The following TSNARE1 variants were observed in gnomAD, a reference collection of about 807,000 sequenced individuals.
The protein encoded by TSNARE1 is t-SNARE domain containing 1.
Under a neutral mutation model 62.0 loss-of-function variants are expected in TSNARE1, and 49 were observed. The observed-to-expected ratio is 0.79, with a 90% CI of 0.63 to 1.00. The LOEUF (loss-of-function observed/expected upper bound fraction) is 1.00, where lower values mean the gene tolerates loss of function less well. TSNARE1 is among the 50% of genes least tolerant of loss of function. The pLI, the probability that TSNARE1 is intolerant of heterozygous loss-of-function variation, is 0.00. For synonymous variants in TSNARE1, 328 were observed against 294.4 expected, an observed-to-expected ratio of 1.11 and a Z score of -1.17; for missense variants, 755 against 700.1, an observed-to-expected ratio of 1.08 and a Z score of -0.88.
At chr8:142,223,030 AC>A (rs1328369743) in intron 13 of TSNARE1, among the ~76,000 whole-genome samples, 45 of 67,560 alleles carry the variant, frequency 6.7e-4, no homozygotes, top group African/African-American at 1.7e-3. Context: ...TCAGCCACTC[AC>A]TCATTCACTC....
chr8:142,214,860 C>T (rs1291652180), intron 13 of TSNARE1, among the ~76,000 whole-genome samples: 1 of 152,218 alleles, frequency 6.6e-6, no homozygotes, highest in East Asian at 1.9e-4. Context: ...GCCCTGGCGG[C>T]ACCCTGATCT....
intron 10 of TSNARE1, among the ~76,000 whole-genome samples, chr8:142,287,644 C>T: frequency 7.7e-6 from 1 of 130,448 alleles, no homozygotes; most frequent in Non-Finnish European, 1.6e-5. Flanking sequence ...ATCTCAGGGA[C>T]AGTGGGCTGC....
intron 12 of TSNARE1, chr8:142,274,029 G>A: frequency 1.0e-6 from 1 of 985,304 alleles, no homozygotes; most frequent in Non-Finnish European, 1.2e-6. Flanking sequence ...GCCCCAGCTG[G>A]CCCAGGGGCT....
chr8:142,228,038 C>T (rs191159324), intron 13 of TSNARE1, among the ~76,000 whole-genome samples: 1 of 152,184 alleles, frequency 6.6e-6, no homozygotes, highest in Non-Finnish European at 1.5e-5. Flanking sequence ...GGCACTGAGC[C>T]TCCATTCCAC....
chr8:142,386,323 T>C (rs1465549248), intron 1 of TSNARE1, among the ~76,000 whole-genome samples: 11 of 152,182 alleles, frequency 7.2e-5, no homozygotes, highest in African/African-American at 2.2e-4. Flanking sequence ...ACATGAAGTA[T>C]TAGAGGCATT....
chr8:142,382,872 G>A (rs533257980), intron 1 of TSNARE1, among the ~76,000 whole-genome samples: 2 of 152,332 alleles, frequency 1.3e-5, no homozygotes, highest in East Asian at 1.9e-4. Context: ...CACGGAGTGG[G>A]CCCGGCCCTC....
intron 12 of TSNARE1, among the ~76,000 whole-genome samples, chr8:142,249,256 G>A (rs967362224): frequency 6.6e-6 from 1 of 152,222 alleles, no homozygotes; most frequent in Admixed American, 6.5e-5. Context: ...GAGGGCGGTG[G>A]ACCCAGGCCT....
chr8:142,323,511 G>A (rs1177742213), intron 6 of TSNARE1, among the ~76,000 whole-genome samples: 2 of 152,230 alleles, frequency 1.3e-5, no homozygotes, highest in African/African-American at 4.8e-5. Context: ...GCTGGCAAGG[G>A]GAGGCCTCGT....
rs957902323 is a variant in TSNARE1 at position 142,319,003 on chromosome 8, G to A, written c.894-369C>T. 6.6e-6 allele frequency among the ~76,000 whole-genome samples: 1 copy of A among 151,718 alleles called. No individual in the cohort carries two copies. Among genetic ancestry groups the A allele is most frequent in the East Asian group, 1.9e-4 (1 of 5,162 alleles). ...ACGGGCAGACACCCAGCAAGAGACG[G>A]GGGAGACGGGCAGACACACAGCAAG... On this transcript the variant is annotated intron_variant, in intron 6 of 13. Transcript: ENST00000524325. This position sits in a 1 kb window ranked among gnomAD's most constrained non-coding sequence, Gnocchi z 4.9.
chr8:142,300,582 G>A lies in TSNARE1; in HGVS notation c.1194C>T (p.Asn398=). ...DDEKVFNGSD[N]MWQGQEQALL... ...GCGCCTGCTCCTGGCCCTGCCACATGTTGTCACTCCCGTTAAAGACCTTCT... is the reference window on the plus strand; with the variant it reads ...GCGCCTGCTCCTGGCCCTGCCACATATTGTCACTCCCGTTAAAGACCTTCT... The change falls in exon 10 of 14, where the codon AAC becomes AAT. Residue 398 remains asparagine (N), a synonymous_variant. Coordinates refer to ENST00000524325, the MANE Select transcript of TSNARE1 (RefSeq NM_145003.5). 6.2e-7 allele frequency: 1 copy of A among 1,613,592 alleles called. No individual in the cohort carries two copies. Among genetic ancestry groups the A allele is most frequent in the Non-Finnish European group, 8.5e-7 (1 of 1,180,022 alleles).
At position 142,319,387 on chromosome 8, in the gene TSNARE1, A is replaced by G. The variant is rs1005063285; in HGVS notation, c.894-753T>C. On this transcript the variant is annotated intron_variant, in intron 6 of 13. Coordinates refer to ENST00000524325, the MANE Select transcript of TSNARE1 (RefSeq NM_145003.5). This position sits in a 1 kb window ranked among gnomAD's most constrained non-coding sequence, Gnocchi z 4.9. The stretch of plus-strand genomic sequence containing the variant: ...TTCTCACACCCAGACCCAGGGAGAC[A>G]CAAGGAGGCCAGGACAGTCCCAGGT... 1.3e-5 allele frequency among the ~76,000 whole-genome samples: 2 copies of G among 151,998 alleles called. No individual in the cohort carries two copies. The highest frequency in any genetic ancestry group is 1.5e-5 in the Non-Finnish European group (1 of 67,960).
intron 2 of TSNARE1, among the ~76,000 whole-genome samples, chr8:142,352,651 G>A (rs1363172807): frequency 4.6e-5 from 7 of 152,248 alleles, no homozygotes; most frequent in Non-Finnish European, 8.8e-5. Context: ...CTCAGAACAC[G>A]ATGCGTAAAA....
At chr8:142,340,123 G>A (rs906396866) in intron 4 of TSNARE1, among the ~76,000 whole-genome samples, 5 of 152,200 alleles carry the variant, frequency 3.3e-5, no homozygotes, top group Admixed American at 6.5e-5. Context: ...GGAAGGAGGC[G>A]TCCATGAAGG....
intron 10 of TSNARE1, among the ~76,000 whole-genome samples, chr8:142,299,768 T>TCA (rs1393752940): frequency 6.6e-6 from 1 of 152,134 alleles, no homozygotes; most frequent in Non-Finnish European, 1.5e-5. Flanking sequence ...GTGCATGCAC[T>TCA]CACACACACA....
At chr8:142,382,820 C>A (rs1413254398) in intron 1 of TSNARE1, among the ~76,000 whole-genome samples, 1 of 152,250 alleles carries the variant, frequency 6.6e-6, no homozygotes, top group African/African-American at 2.4e-5. Flanking sequence ...GTGCGGAAGG[C>A]ACTTTTCTGT....
chr8:142,275,987 CA>C, intron 11 of TSNARE1: 3 of 985,448 alleles, frequency 3.0e-6, no homozygotes, highest in Non-Finnish European at 3.6e-6. Flanking sequence ...AGGTGGAACC[CA>C]TGAGCCCTGC....
chr8:142,240,593 G>C (rs1481546155), intron 12 of TSNARE1, among the ~76,000 whole-genome samples: 3 of 152,182 alleles, frequency 2.0e-5, no homozygotes, highest in Non-Finnish European at 2.9e-5. Flanking sequence ...GAAAGTTCTA[G>C]GCTATAAAGC....
intron 12 of TSNARE1, among the ~76,000 whole-genome samples, chr8:142,272,165 G>A (rs199976010): frequency 1.0e-4 from 13 of 128,012 alleles, no homozygotes; most frequent in South Asian, 5.1e-4. Flanking sequence ...CCATCCATCC[G>A]TCTACTCACC....
chr8:142,236,065 CCAGCCA>C, intron 12 of TSNARE1, among the ~76,000 whole-genome samples: 1 of 152,308 alleles, frequency 6.6e-6, no homozygotes, highest in Admixed American at 6.5e-5. Flanking sequence ...CAGCCAGGCT[CCAGCCA>C]CAGCCTCACC....
Sources: gnomAD v4.1 joint callset for allele counts (sites outside exome capture counted in the v4.1 genomes callset) on GRCh38, gnomAD v4.1.1 for gene constraint, Gnocchi (gnomAD v3.1) non-coding constraint, MANE v1.5 for transcripts, NCBI Gene and HGNC (gene_info 2026-07-23, HGNC 2026-07-21) for gene names.